Variants in CREB3L2 observed in about 807,000 individuals in gnomAD.
The protein encoded by CREB3L2 is cyclic AMP-responsive element-binding protein 3-like protein 2.
In CREB3L2, 23 loss-of-function variants were observed where a neutral mutation model predicts 57.2. The ratio of observed to expected loss-of-function variants is 0.40; its 90% CI spans 0.29 to 0.57. The LOEUF is 0.57. CREB3L2 is among the 20% of genes least tolerant of loss of function. The probability of loss-of-function intolerance (pLI) is 0.42; values close to 1 mark genes in which losing one functional copy is unlikely to be tolerated. For synonymous variants in CREB3L2, 268 were observed against 265.1 expected (o/e 1.01, Z -0.11); for missense variants, 628 against 634.7 (o/e 0.99, Z 0.11).
intron 1 of CREB3L2, among the ~76,000 whole-genome samples, chr7:137,985,347 C>T (rs182285967): frequency 1.4e-4 from 22 of 152,310 alleles, no homozygotes; most frequent in Admixed American, 1.0e-3. Context: ...CAAGGCTAGA[C>T]GCAGTTCAGG....
chr7:137,907,576 CTCATT>C (rs113512980), intron 5 of CREB3L2, among the ~76,000 whole-genome samples: 3 of 152,276 alleles, frequency 2.0e-5, no homozygotes, highest in African/African-American at 4.8e-5. Context: ...TTTAAAACAT[CTCATT>C]TCATTTAAAT....
At chr7:137,939,100 G>A (rs1800839820) in intron 1 of CREB3L2, among the ~76,000 whole-genome samples, 1 of 152,110 alleles carries the variant, frequency 6.6e-6, no homozygotes, top group Non-Finnish European at 1.5e-5. Context: ...AGCCTAGTAG[G>A]GCCTGTCCTT....
At position 137,876,452 on chromosome 7, in the gene CREB3L2, T is replaced by G. The variant is rs959253249; in HGVS notation, c.*4024A>C. The G allele has an allele frequency of 4.3e-6, 1 of 232,602 alleles. No individual in the cohort carries two copies. The highest frequency in any genetic ancestry group is 2.2e-5 in the African/African-American group (1 of 45,248). The allele number at this position is 232,602 out of a possible 1,614,324, so 14.4% of individuals were successfully genotyped here. On this transcript the variant is annotated 3_prime_UTR_variant, in exon 12 of 12. Transcript: ENST00000330387. ...ATTAATGTTTCCTCAATCCCTTCTATTCCCCAATATTCCCTAGGGCCTCAG... is the reference window on the plus strand; with the variant it reads ...ATTAATGTTTCCTCAATCCCTTCTAGTCCCCAATATTCCCTAGGGCCTCAG...
At position 137,878,151 on chromosome 7, in the gene CREB3L2, A is replaced by T. The variant is rs1434956303; in HGVS notation, c.*2325T>A. The T allele has an allele frequency of 8.7e-6, 2 of 230,934 alleles. No homozygotes were observed. The highest frequency in any genetic ancestry group is 4.4e-5 in the African/African-American group (2 of 45,218). 14.3% of individuals were successfully genotyped at this position (230,934 alleles called of 1,614,324 possible). ...AGAGAGAGTGACGTCAAGCAAGCGT[A>T]GTAAGGGAGAAAATAAAATCCTCAA... On this transcript the variant is annotated 3_prime_UTR_variant, in exon 12 of 12. Coordinates refer to ENST00000330387, the MANE Select transcript of CREB3L2 (RefSeq NM_194071.4).
At chr7:137,962,642 C>T (rs1412624493) in intron 1 of CREB3L2, among the ~76,000 whole-genome samples, 3 of 151,946 alleles carry the variant, frequency 2.0e-5, no homozygotes, top group South Asian at 2.1e-4. Flanking sequence ...GAGCCTCCCA[C>T]CCCCCACCAG....
chr7:137,956,805 G>A (rs1801222898), intron 1 of CREB3L2, among the ~76,000 whole-genome samples: 1 of 152,304 alleles, frequency 6.6e-6, no homozygotes, highest in African/African-American at 2.4e-5. Context: ...ATTCAGACAG[G>A]TGAAACAACA....
chr7:137,892,158 A>T (rs1799539252), intron 8 of CREB3L2, among the ~76,000 whole-genome samples: 1 of 152,202 alleles, frequency 6.6e-6, no homozygotes, highest in Non-Finnish European at 1.5e-5. Context: ...AGTCAAATAG[A>T]ATACACAATA....
chr7:137,897,445 C>T (rs183055867), intron 8 of CREB3L2, among the ~76,000 whole-genome samples: 35 of 152,338 alleles, frequency 2.3e-4, no homozygotes, highest in Middle Eastern at 6.8e-3. Flanking sequence ...TCTCGGCTCA[C>T]TGCAGCCTCT....
chr7:137,925,098 G>C (rs1039227955), intron 2 of CREB3L2, among the ~76,000 whole-genome samples: 1 of 152,142 alleles, frequency 6.6e-6, no homozygotes, highest in African/African-American at 2.4e-5. Flanking sequence ...GTTGTCCTGG[G>C]GTTCAGGTGG....
intron 1 of CREB3L2, among the ~76,000 whole-genome samples, chr7:137,969,340 C>CTTTTTTT (rs71177936): frequency 1.3e-5 from 1 of 77,070 alleles, no homozygotes; most frequent in Non-Finnish European, 2.4e-5. Context: ...TTATGATCTT[C>CTTTTTTT]TTTTTTTTTT....
In CREB3L2 at chr7:137,878,741, C is replaced by T. The variant is rs914711761; in HGVS notation, c.*1735G>A. On this transcript the variant is annotated 3_prime_UTR_variant, in exon 12 of 12. Coordinates refer to ENST00000330387, the MANE Select transcript of CREB3L2 (RefSeq NM_194071.4). ...CAGCATAGCAGAGAGAGGGGAATCA[C>T]TCACAGGGAGCCCCAAATGGGCCTA... 8.5e-6 allele frequency: 2 copies of T among 235,756 alleles called. No homozygotes were observed. Among genetic ancestry groups the T allele is most frequent in the Non-Finnish European group, 1.7e-5 (2 of 119,956 alleles). 14.6% of individuals were successfully genotyped at this position (235,756 alleles called of 1,614,324 possible).
chr7:137,974,759 T>C (rs1031699101), intron 1 of CREB3L2, among the ~76,000 whole-genome samples: 1 of 152,130 alleles, frequency 6.6e-6, no homozygotes, highest in African/African-American at 2.4e-5. Flanking sequence ...GAGAATGACA[T>C]CAAGAACGGC....
Position 137,996,633 on chromosome 7 carries a change from T to C in CREB3L2, c.102+4971A>G, listed in dbSNP as rs527408739. Among the ~76,000 whole-genome samples the C allele has an allele frequency of 3.2e-3, 490 of 152,326 alleles. 4 individuals carry two copies. The highest frequency in any genetic ancestry group is 4.2e-3 in the Non-Finnish European group (285 of 68,026). ...GGGAGGAACAGGAAACCACACAGTC[T>C]GTGAGATCAGCCAACTCCTTTTCAG... On this transcript the variant is annotated intron_variant, in intron 1 of 11. Coordinates refer to ENST00000330387, the MANE Select transcript of CREB3L2 (RefSeq NM_194071.4).
chr7:137,922,417 T>TATATATATATATATATATATATAC, intron 2 of CREB3L2, among the ~76,000 whole-genome samples: 1 of 24,096 alleles, frequency 4.2e-5, no homozygotes, highest in Admixed American at 6.1e-4. Context: ...TATATATATG[T>TATATATATATATATATATATATAC]ATATATATAT....
intron 2 of CREB3L2, among the ~76,000 whole-genome samples, chr7:137,924,879 C>G (rs1486704651): frequency 2.0e-5 from 3 of 152,196 alleles, no homozygotes; most frequent in East Asian, 3.8e-4. Context: ...CCCCCTGAGA[C>G]AGATGATTCC....
At chr7:137,970,769 C>G (rs766375603) in intron 1 of CREB3L2, among the ~76,000 whole-genome samples, 2 of 152,198 alleles carry the variant, frequency 1.3e-5, no homozygotes, top group Non-Finnish European at 2.9e-5. Context: ...TAGGGCTGGA[C>G]AGCAGGCGTG....
At chr7:137,964,271 A>G (rs1801372295) in intron 1 of CREB3L2, among the ~76,000 whole-genome samples, 1 of 152,214 alleles carries the variant, frequency 6.6e-6, no homozygotes, top group African/African-American at 2.4e-5. Context: ...AGCCAAGATC[A>G]TGTCATCGCA....
intron 1 of CREB3L2, among the ~76,000 whole-genome samples, chr7:137,982,277 G>C (rs1478543182): frequency 6.6e-6 from 1 of 152,146 alleles, no homozygotes; most frequent in Admixed American, 6.6e-5. Flanking sequence ...TCAGTCTGTA[G>C]GTTTTCAACT....
At chr7:137,987,615 A>G (rs2352136) in intron 1 of CREB3L2, among the ~76,000 whole-genome samples, 147,556 of 152,338 alleles carry the variant, frequency 0.97, 71,469 homozygotes, top group East Asian at 1. Flanking sequence ...TGTGTTGGGG[A>G]GACAAGAGAT....
Sources: gnomAD v4.1 joint callset for allele counts (sites outside exome capture counted in the v4.1 genomes callset) on GRCh38, gnomAD v4.1.1 for gene constraint, MANE v1.5 for transcripts, NCBI Gene and HGNC (gene_info 2026-07-23, HGNC 2026-07-21) for gene names.